The following CXorf58 variants were observed in gnomAD, a reference collection of about 807,000 sequenced individuals.
CXorf58 encodes the protein uncharacterized protein CXorf58.
In CXorf58, 24 loss-of-function variants were observed where a neutral mutation model predicts 26.0. The observed-to-expected ratio is 0.92, with a 90% confidence interval of 0.67 to 1.30. The LOEUF (loss-of-function observed/expected upper bound fraction) is 1.30, where lower values mean the gene tolerates loss of function less well. Ranked by LOEUF, CXorf58 falls within the 50% of genes most tolerant of loss-of-function variation. The pLI is 0.00. For synonymous variants in CXorf58, 87 were observed against 86.1 expected (o/e 1.01, Z -0.06); for missense variants, 236 against 263.9 (o/e 0.89, Z 0.73).
At chrX:23,938,069 T>G (rs1423803062) in intron 7 of CXorf58, among the ~76,000 whole-genome samples, 1 of 108,341 alleles carries the variant, frequency 9.2e-6, no homozygotes, top group South Asian at 4.1e-4. Flanking sequence ...TATTTTTTTT[T>G]AGTAGAGACG....
rs189256739 is a variant in CXorf58 at position 23,923,704 on chromosome X, A to C, written c.424-3535A>C. Among the ~76,000 whole-genome samples, 54 of 110,660 alleles carry C rather than the reference A, an allele frequency of 4.9e-4. 1 individual carries two copies. The East Asian group carries it at 0.013, about 27-fold the overall frequency. The stretch of plus-strand genomic sequence containing the variant: ...TGTGGCTCACGCCTGTAATCCCAGC[A>C]CTTTGGGAGGCCAAGGCAGGCAGAT... On this transcript the variant is annotated intron_variant, in intron 5 of 8. Transcript: ENST00000379211.
chrX:23,927,014 G>A (rs1295608254), intron 5 of CXorf58, among the ~76,000 whole-genome samples: 10 of 108,950 alleles, frequency 9.2e-5, no homozygotes, highest in Non-Finnish European at 5.7e-5. Flanking sequence ...GCAAGACTCC[G>A]TTTCAAAAAA....
chrX:23,920,756 TGGTG>T (rs1356159392), intron 5 of CXorf58, among the ~76,000 whole-genome samples: 30 of 108,037 alleles, frequency 2.8e-4, no homozygotes, highest in African/African-American at 1.0e-3. Context: ...CCGGGTGTGG[TGGTG>T]GGCGCCTGTA....
At chrX:23,911,954 T>A (rs896395188) in intron 3 of CXorf58, 98 bp downstream of exon 3, 1 of 117,186 alleles carries the variant, frequency 8.5e-6, no homozygotes, top group East Asian at 3.9e-4. Flanking sequence ...TTATCTCCTC[T>A]TTTTTTTTTT....
At chrX:23,918,093 T>G (rs1451581800) in intron 5 of CXorf58, among the ~76,000 whole-genome samples, 1 of 111,970 alleles carries the variant, frequency 8.9e-6, no homozygotes, top group Non-Finnish European at 1.9e-5. Context: ...CACACTTTTT[T>G]TAAAATTCAT....
intron 5 of CXorf58, among the ~76,000 whole-genome samples, chrX:23,925,786 C>CTTTTTTTTTTTTTTT (rs11296283): frequency 6.0e-4 from 43 of 71,734 alleles, no homozygotes; most frequent in East Asian, 1.5e-3. Context: ...CTTTTCTTTT[C>CTTTTTTTTTTTTTTT]TTTTTTTTTT....
chrX:23,929,992 T>C (rs1928117646), intron 6 of CXorf58, among the ~76,000 whole-genome samples: 1 of 109,404 alleles, frequency 9.1e-6, no homozygotes, highest in Admixed American at 9.9e-5. Flanking sequence ...GGTCAGGAGA[T>C]CGAGACCATC....
At chrX:23,915,619 C>T in intron 3 of CXorf58, 81 bp from the exon 4 acceptor site, 1 of 549,811 alleles carries the variant, frequency 1.8e-6, no homozygotes, top group Admixed American at 3.4e-5. Flanking sequence ...GTTCACTTTA[C>T]CACGTTGCCT....
At chrX:23,919,512 C>G (rs1263294332) in intron 5 of CXorf58, among the ~76,000 whole-genome samples, 1 of 112,367 alleles carries the variant, frequency 8.9e-6, no homozygotes, top group Non-Finnish European at 1.9e-5. Flanking sequence ...TGAGCTTTCT[C>G]AAAACAGCTA....
rs1246813997 is a variant in CXorf58 at position 23,938,237 on chromosome X, C to G, written c.786-310C>G. ...GTATATGGTGTAAAAAAATAAGATT[C>G]AAATGGCTACTACACAGTATTTTCT... On this transcript the variant is annotated intron_variant, in intron 7 of 8. Transcript: ENST00000379211. Among the ~76,000 whole-genome samples, 3 of 111,286 alleles carry G rather than the reference C, an allele frequency of 2.7e-5. 1 individual carries two copies. Among genetic ancestry groups the G allele is most frequent in the Non-Finnish European group, 5.6e-5 (3 of 53,121 alleles).
chrX:23,913,679 T>C (rs975446168), intron 3 of CXorf58, among the ~76,000 whole-genome samples: 7 of 109,804 alleles, frequency 6.4e-5, no homozygotes, highest in African/African-American at 2.0e-4. Flanking sequence ...CCGAGGCGGG[T>C]GGATTGCCTG....
In CXorf58 at chrX:23,911,742, C is replaced by CT. The variant is rs749041262; in HGVS notation, c.117-8dup. On this transcript the variant is annotated splice_polypyrimidine_tract_variant and intron_variant, in intron 2 of 8. Transcript: ENST00000379211. Reference sequence around the variant, plus strand: ...AAAACTACTTTATAAATATTAACCTCTTTTTTTCTCTCAGAATGCTTAAAG... The same window carrying CT: ...AAAACTACTTTATAAATATTAACCTCTTTTTTTTCTCTCAGAATGCTTAAAG... 5.5e-6 allele frequency: 6 copies of CT among 1,092,118 alleles called. No homozygotes were observed. The highest frequency in any genetic ancestry group is 2.5e-6 in the Non-Finnish European group (2 of 803,309). The allele number at this position is 1,092,118 out of a possible 1,213,427, so 90.0% of individuals were successfully genotyped here.
intron 5 of CXorf58, among the ~76,000 whole-genome samples, chrX:23,921,691 G>T (rs187425065): frequency 1.8e-5 from 2 of 110,765 alleles, no homozygotes; most frequent in African/African-American, 6.5e-5. Flanking sequence ...GTTTTTTGTT[G>T]TTGTTGTTGT....
At chrX:23,914,359 T>G (rs5970617) in intron 3 of CXorf58, among the ~76,000 whole-genome samples, 13,509 of 111,183 alleles carry the variant, frequency 0.12, 942 homozygotes, top group South Asian at 0.52. Context: ...GTGCCAGGAT[T>G]ATAGGCGTGA....
At chrX:23,918,499 T>C (rs192849985) in intron 5 of CXorf58, among the ~76,000 whole-genome samples, 14 of 112,264 alleles carry the variant, frequency 1.2e-4, no homozygotes, top group Admixed American at 4.8e-4. Context: ...TTTTAACTTT[T>C]TGTTTTTTCT....
At chrX:23,928,535 T>C (rs1194237977) in intron 6 of CXorf58, among the ~76,000 whole-genome samples, 2 of 111,501 alleles carry the variant, frequency 1.8e-5, no homozygotes, top group Non-Finnish European at 3.8e-5. Context: ...ATCAAGCAAA[T>C]CTATCAGTGC....
At chrX:23,925,430 C>T (rs1407609887) in intron 5 of CXorf58, among the ~76,000 whole-genome samples, 9 of 107,576 alleles carry the variant, frequency 8.4e-5, no homozygotes, top group Non-Finnish European at 1.7e-4. Flanking sequence ...TCACTGCAAC[C>T]TCCACCTCTC....
At chrX:23,932,876 T>G (rs1353057657) in intron 6 of CXorf58, among the ~76,000 whole-genome samples, 1 of 111,333 alleles carries the variant, frequency 9.0e-6, no homozygotes, top group Non-Finnish European at 1.9e-5. Flanking sequence ...ACGCCTATAA[T>G]CCCAGCTACT....
Position 23,908,068 on chromosome X carries a change from G to C in CXorf58, c.-282G>C, listed in dbSNP as rs1008068218. On this transcript the variant is annotated 5_prime_UTR_variant, in exon 1 of 9. Transcript: ENST00000379211. ...GGCGTTGCCGCGGCGCTGGGAAACT[G>C]TCTTTGCAGCGGCGACTGGGCGCCC... 6.4e-6 allele frequency: 1 copy of C among 156,920 alleles called. No individual in the cohort carries two copies. Among genetic ancestry groups the C allele is most frequent in the Non-Finnish European group, 1.2e-5 (1 of 81,937 alleles). The allele number at this position is 156,920 out of a possible 1,213,427, so 12.9% of individuals were successfully genotyped here.
Sources: allele counts gnomAD v4.1 joint callset (sites outside exome capture counted in the v4.1 genomes callset), GRCh38; gene constraint gnomAD v4.1.1; transcripts MANE v1.5; gene names NCBI Gene and HGNC (gene_info 2026-07-23, HGNC 2026-07-21).